The following STK4 variants were observed in gnomAD, a reference collection of about 807,000 sequenced individuals.
The protein encoded by STK4 is serine/threonine kinase 4.
STK4 carries 30 observed loss-of-function variants against 64.9 expected under a neutral mutation model. That is an observed-to-expected ratio of 0.46 (90% CI 0.35 to 0.63). STK4 has a LOEUF of 0.63. Ranked by LOEUF, STK4 falls within the 20% of genes least tolerant of loss-of-function variation. The pLI, the probability that STK4 is intolerant of heterozygous loss-of-function variation, is 0.01. For synonymous variants in STK4, 177 were observed against 199.0 expected (o/e 0.89, Z 0.93); for missense variants, 466 against 598.5 (o/e 0.78, Z 2.31).
rs1245644852 is a variant in STK4, at chr20:45,000,395, C to G, written c.835C>G (p.Pro279Ala). Residue 279 changes from proline (P) to alanine (A), a missense_variant, in exon 8 of 11, where the codon CCA becomes GCA. Pro to Ala is a conservative substitution (Grantham distance 27, BLOSUM62 -1). Transcript: ENST00000372806. Reference sequence around the variant, plus strand: ...ATTTTCTACTTTGTTCTTTTAGCACCCATTTGTCAGGAGTGCCAAAGGAGT... The same window carrying G: ...ATTTTCTACTTTGTTCTTTTAGCACGCATTTGTCAGGAGTGCCAAAGGAGT... Reference protein sequence around the residue: ...RATATQLLQHPFVRSAKGVSI... With the variant: ...RATATQLLQHAFVRSAKGVSI... 6.2e-7 allele frequency: 1 copy of G among 1,613,436 alleles called. No homozygotes were observed. The highest frequency in any genetic ancestry group is 1.1e-5 in the South Asian group (1 of 91,010).
intron 9 of STK4, among the ~76,000 whole-genome samples, chr20:45,022,649 T>C (rs2039011266): frequency 6.6e-6 from 1 of 152,208 alleles, no homozygotes; most frequent in African/African-American, 2.4e-5. Flanking sequence ...GTTTAAAGAT[T>C]CAATTTCTTA....
intron 10 of STK4, among the ~76,000 whole-genome samples, chr20:45,027,024 A>ATG (rs1359525855): frequency 1.3e-5 from 2 of 152,226 alleles, no homozygotes; most frequent in Non-Finnish European, 2.9e-5. Context: ...TCAGGCAAAG[A>ATG]TGTTTAACTA....
Position 45,078,863 on chromosome 20 carries a change from C to T in STK4, c.*3687C>T, listed in dbSNP as rs548770294. ...TTTTAAATATCAGGAAGGAGAGAAG[C>T]GACATCATGATACATCCTATGGGTA... On this transcript the variant is annotated 3_prime_UTR_variant, in exon 11 of 11. Coordinates refer to ENST00000372806, the MANE Select transcript of STK4 (RefSeq NM_006282.5). 2.6e-5 allele frequency: 4 copies of T among 152,258 alleles called. No homozygotes were observed. Among genetic ancestry groups the T allele is most frequent in the African/African-American group, 7.2e-5 (3 of 41,448 alleles). The allele number at this position is 152,258 out of a possible 1,614,324, so 9.4% of individuals were successfully genotyped here.
At chr20:44,995,048 A>G in intron 5 of STK4, 42 bp from the exon 6 acceptor site, 2 of 1,445,072 alleles carry the variant, frequency 1.4e-6, no homozygotes, top group Non-Finnish European at 1.8e-6. Context: ...ACATCTCAGT[A>G]GTTTTAAGCT....
intron 10 of STK4, among the ~76,000 whole-genome samples, chr20:45,064,110 G>GT: frequency 8.2e-6 from 1 of 121,946 alleles, no homozygotes; most frequent in Admixed American, 1.0e-4. Context: ...GCCCGGCCAA[G>GT]GGGGGGGGTC....
chr20:45,038,559 C>T (rs913780090), intron 10 of STK4, among the ~76,000 whole-genome samples: 1 of 151,896 alleles, frequency 6.6e-6, no homozygotes, highest in South Asian at 2.1e-4. Context: ...TTGGAGAAAC[C>T]CAGTTGTTAT....
chr20:44,988,533 G>GTGTGTGTGTATATATATATA (rs1221720136), intron 5 of STK4, among the ~76,000 whole-genome samples: 41 of 101,568 alleles, frequency 4.0e-4, no homozygotes, highest in African/African-American at 1.6e-3. Flanking sequence ...ATGTGTGTGT[G>GTGTGTGTGTATATATATATA]TATATATATA....
At chr20:45,070,707 G>A (rs956442914) in intron 10 of STK4, among the ~76,000 whole-genome samples, 2 of 152,020 alleles carry the variant, frequency 1.3e-5, no homozygotes, top group East Asian at 1.9e-4. Context: ...CCAACATGGC[G>A]AAACCCTGTC....
At chr20:45,021,718 A>G (rs2068251382) in intron 9 of STK4, among the ~76,000 whole-genome samples, 1 of 152,196 alleles carries the variant, frequency 6.6e-6, no homozygotes, top group Non-Finnish European at 1.5e-5. Context: ...TGTCACTAAA[A>G]TATTTCTTGA....
intron 2 of STK4, among the ~76,000 whole-genome samples, chr20:44,977,899 G>A (rs1256064042): frequency 6.6e-6 from 1 of 152,172 alleles, no homozygotes; most frequent in African/African-American, 2.4e-5. Flanking sequence ...TGGTACTAGA[G>A]TGAATACAAT....
intron 3 of STK4, among the ~76,000 whole-genome samples, chr20:44,981,505 A>G (rs958594546): frequency 4.6e-5 from 7 of 152,202 alleles, no homozygotes; most frequent in African/African-American, 7.2e-5. Flanking sequence ...GGACATTTAG[A>G]TGATATCTAA....
At chr20:45,007,158 GT>G (rs1222076575) in intron 9 of STK4, among the ~76,000 whole-genome samples, 3 of 152,170 alleles carry the variant, frequency 2.0e-5, no homozygotes, top group South Asian at 4.1e-4. Context: ...CAGAGATGAT[GT>G]TTCTCCACTT....
At chr20:45,036,825 G>A (rs575118041) in intron 10 of STK4, among the ~76,000 whole-genome samples, 2 of 152,210 alleles carry the variant, frequency 1.3e-5, no homozygotes, top group South Asian at 2.1e-4. Flanking sequence ...TATAGGGTTC[G>A]TTACCATCCA....
intron 9 of STK4, among the ~76,000 whole-genome samples, chr20:45,005,312 T>G (rs1472105322): frequency 1.3e-5 from 2 of 152,156 alleles, no homozygotes; most frequent in Non-Finnish European, 1.5e-5. Flanking sequence ...CTCTCATATT[T>G]TGTTATTGTT....
Position 44,981,857 on chromosome 20 carries a change from T to C in STK4, c.274T>C (p.Tyr92His). Residue 92 changes from tyrosine (Y) to histidine (H), a missense_variant, in exon 4 of 11, where the codon TAT (tyrosine) becomes CAT (histidine). Coordinates refer to ENST00000372806, the MANE Select transcript of STK4 (RefSeq NM_006282.5). ...TCATGTAGTCAAATATTATGGCAGT[T>C]ATTTTAAGAACACAGACTTATGGAT... is the stretch of plus-strand genomic sequence containing the variant. ...SPHVVKYYGS[Y>H]FKNTDLWIVM... 6.2e-7 allele frequency: 1 copy of C among 1,613,706 alleles called. No individual in the cohort carries two copies. The highest frequency in any genetic ancestry group is 8.5e-7 in the Non-Finnish European group (1 of 1,179,642).
At chr20:44,985,123 T>C (rs1205847182) in intron 4 of STK4, among the ~76,000 whole-genome samples, 4 of 152,228 alleles carry the variant, frequency 2.6e-5, no homozygotes, top group Non-Finnish European at 4.4e-5. Flanking sequence ...GACTCTAGCC[T>C]ACTACCTTGC....
At chr20:44,987,413 C>A in intron 5 of STK4, 117 bp downstream of exon 5, 1 of 1,011,432 alleles carries the variant, frequency 9.9e-7, no homozygotes, top group South Asian at 1.8e-5. Context: ...TAAAAAATCA[C>A]AGAATCTGCC....
chr20:44,971,863 G>T (rs2067253213), intron 1 of STK4, among the ~76,000 whole-genome samples: 1 of 151,666 alleles, frequency 6.6e-6, no homozygotes, highest in South Asian at 2.1e-4. Flanking sequence ...AGTGGAGACG[G>T]GGTTTCACCA....
intron 2 of STK4, among the ~76,000 whole-genome samples, chr20:44,973,754 T>A (rs909181682): frequency 6.6e-6 from 1 of 152,230 alleles, no homozygotes; most frequent in Non-Finnish European, 1.5e-5. Context: ...AATCCTCATC[T>A]GTAAAGTTGG....
Sources: allele counts gnomAD v4.1 joint callset (sites outside exome capture counted in the v4.1 genomes callset), GRCh38; gene constraint gnomAD v4.1.1; transcripts MANE v1.5; gene names NCBI Gene and HGNC (gene_info 2026-07-23, HGNC 2026-07-21).